The following FIBCD1 variants were observed in gnomAD, a reference collection of about 807,000 sequenced individuals.
FIBCD1 encodes fibrinogen C domain containing 1.
Under a neutral mutation model 45.1 loss-of-function variants are expected in FIBCD1, and 47 were observed. The observed-to-expected ratio is 1.04, with a 90% CI of 0.82 to 1.33. The LOEUF is 1.33. FIBCD1 is among the 40% of genes most tolerant of loss of function. The pLI is 0.00. For synonymous variants in FIBCD1, 313 were observed against 308.1 expected (o/e 1.02, Z -0.17); for missense variants, 653 against 682.2 (o/e 0.96, Z 0.48).
At chr9:130,929,458 G>A (rs1832408289) in intron 2 of FIBCD1, 109 bp downstream of exon 2, 1 of 1,381,752 alleles carries the variant, frequency 7.2e-7, no homozygotes, top group Non-Finnish European at 9.5e-7. Flanking sequence ...CCTTGTCTGG[G>A]GCCTTGGGGA....
chr9:130,930,629 T>C, intron 1 of FIBCD1: 1 of 409,816 alleles, frequency 2.4e-6, no homozygotes, highest in Admixed American at 2.5e-5. Context: ...CGGTCACCTG[T>C]GTGTGTGGCC....
chr9:130,911,359 T>A (rs143073919), intron 5 of FIBCD1, among the ~76,000 whole-genome samples: 7 of 152,288 alleles, frequency 4.6e-5, no homozygotes, highest in Middle Eastern at 3.4e-3. Flanking sequence ...CTGGACACAC[T>A]CAGCACCACT....
At chr9:130,936,745 A>G (rs2133129181) in intron 1 of FIBCD1, among the ~76,000 whole-genome samples, 1 of 152,320 alleles carries the variant, frequency 6.6e-6, no homozygotes, top group East Asian at 1.9e-4. Context: ...GCCTGGAAAG[A>G]ATGGAGCTTG....
chr9:130,913,447 G>A (rs1427933152), intron 4 of FIBCD1, among the ~76,000 whole-genome samples: 2 of 152,238 alleles, frequency 1.3e-5, no homozygotes, highest in East Asian at 1.9e-4. Context: ...GGCGTCTGCC[G>A]CGTGAGCGTT....
intron 2 of FIBCD1, among the ~76,000 whole-genome samples, chr9:130,929,056 G>A (rs990257805): frequency 6.6e-6 from 1 of 152,156 alleles, no homozygotes; most frequent in Non-Finnish European, 1.5e-5. Flanking sequence ...CTAGGGGTCT[G>A]GCTGGGCTGC....
chr9:130,904,460 T>TACAC (rs113303716), intron 6 of FIBCD1, 137 bp from the exon 7 acceptor site: 80,252 of 1,283,676 alleles, frequency 0.063, 3,785 homozygotes, highest in African/African-American at 0.23. Context: ...CTCTCACACA[T>TACAC]ACTGCTGTGC....
intron 1 of FIBCD1, among the ~76,000 whole-genome samples, chr9:130,935,528 G>T (rs1832505156): frequency 6.6e-6 from 1 of 152,234 alleles, no homozygotes; most frequent in Admixed American, 6.5e-5. Context: ...GCTGGATAGG[G>T]CTGGGACAGA....
intron 3 of FIBCD1, 123 bp from the exon 4 acceptor site, chr9:130,924,003 C>A: frequency 1.4e-6 from 2 of 1,467,176 alleles, no homozygotes; most frequent in Non-Finnish European, 1.8e-6. Flanking sequence ...GAGCACTGGC[C>A]TTGGAGTCCG....
chr9:130,937,675 G>A (rs565999955), intron 1 of FIBCD1, among the ~76,000 whole-genome samples: 1 of 152,332 alleles, frequency 6.6e-6, no homozygotes, highest in South Asian at 2.1e-4. Context: ...TGGTGAGCGA[G>A]CGGCCTCCTC....
intron 3 of FIBCD1, 112 bp from the exon 4 acceptor site, chr9:130,923,992 A>T (rs889212404): frequency 1.3e-6 from 2 of 1,520,948 alleles, no homozygotes; most frequent in Middle Eastern, 2.4e-4. Flanking sequence ...TGGGGTTGAG[A>T]GAGCACTGGC....
intron 4 of FIBCD1, among the ~76,000 whole-genome samples, chr9:130,923,020 G>A (rs531292028): frequency 3.9e-4 from 59 of 152,326 alleles, no homozygotes; most frequent in Non-Finnish European, 6.8e-4. Flanking sequence ...GGAGGACTGG[G>A]ACAGGGGCTT....
At chr9:130,930,157 A>G in intron 1 of FIBCD1, 111 bp from the exon 2 acceptor site, 1 of 1,346,482 alleles carries the variant, frequency 7.4e-7, no homozygotes, top group Non-Finnish European at 9.8e-7. Flanking sequence ...GGGGCTGGGC[A>G]AGGGCGTGGC....
chr9:130,916,210 T>A (rs1449377089), intron 4 of FIBCD1, among the ~76,000 whole-genome samples: 2 of 152,256 alleles, frequency 1.3e-5, no homozygotes, highest in African/African-American at 2.4e-5. Context: ...ATTATAGGCG[T>A]GAGCCACCGC....
chr9:130,910,640 C>G lies in FIBCD1; in HGVS notation c.946+1152G>C, dbSNP rs138968391. Among the ~76,000 whole-genome samples the G allele has an allele frequency of 7.0e-3, 1,062 of 152,336 alleles. 7 individuals carry two copies. Among genetic ancestry groups the G allele is most frequent in the Middle Eastern group, 0.017 (5 of 294 alleles). Reference sequence around the variant, plus strand: ...ATGTCTAGCTCAGGGATTGTAAATACACCAATCGGCACTCTGTATCTAGCT... The same window carrying G: ...ATGTCTAGCTCAGGGATTGTAAATAGACCAATCGGCACTCTGTATCTAGCT... On this transcript the variant is annotated intron_variant, in intron 5 of 6. Transcript: ENST00000372338.
At chr9:130,939,663 G>A (rs1459960399), upstream of FIBCD1, among the ~76,000 whole-genome samples, 5 of 151,392 alleles carry the variant, frequency 3.3e-5, no homozygotes, top group African/African-American at 7.3e-5. Flanking sequence ...CCGCGCTCCC[G>A]GCCGATCGCC....
rs1476690667 is a variant in FIBCD1, at chr9:130,904,691, G to A, written c.1127-368C>T. On this transcript the variant is annotated intron_variant, in intron 6 of 6. Transcript: ENST00000372338. ...AGCCACCACACTTTAGAGACCCAGC[G>A]GACCCGAACCCCGGGTCTCCTGATT... Among the ~76,000 whole-genome samples the A allele has an allele frequency of 3.3e-5, 5 of 152,194 alleles. No individual in the cohort carries two copies. In the East Asian group the frequency reaches 7.7e-4, roughly 23 times the overall value.
upstream of FIBCD1, among the ~76,000 whole-genome samples, chr9:130,939,652 GCCGCGCTCCCGGCCGATCGC>G (rs1045407209): frequency 5.3e-5 from 8 of 151,476 alleles, no homozygotes; most frequent in South Asian, 4.1e-4. Context: ...TCCGCGCTCG[GCCGCGCTCCCGGCCGATCGC>G]CCGCGCTCCC....
At chr9:130,913,151 G>A (rs1208034990) in intron 4 of FIBCD1, among the ~76,000 whole-genome samples, 1 of 152,182 alleles carries the variant, frequency 6.6e-6, no homozygotes, top group Non-Finnish European at 1.5e-5. Flanking sequence ...TGAGTACCAC[G>A]CTGGCCCGGG....
At position 130,920,138 on chromosome 9, in the gene FIBCD1, C is replaced by T. The variant is rs568154059; in HGVS notation, c.849+3606G>A. Among the ~76,000 whole-genome samples the T allele has an allele frequency of 7.2e-5, 11 of 151,728 alleles. No individual in the cohort carries two copies. The East Asian group carries it at 1.4e-3, about 19-fold the overall frequency. ...GAGCAAGGGGCCCTCCAAGAAGGGA[C>T]GTGACCCTGGCATCTCACACAGCCA... On this transcript the variant is annotated intron_variant, in intron 4 of 6. Coordinates refer to ENST00000372338, the MANE Select transcript of FIBCD1 (RefSeq NM_032843.5).
Sources: allele counts gnomAD v4.1 joint callset (sites outside exome capture counted in the v4.1 genomes callset), GRCh38; gene constraint gnomAD v4.1.1; transcripts MANE v1.5; gene names NCBI Gene and HGNC (gene_info 2026-07-23, HGNC 2026-07-21).